STARD13: variants seen among roughly 807,000 people sequenced by gnomAD.
STARD13 encodes stAR-related lipid transfer protein 13.
STARD13 carries 62 observed loss-of-function variants against 106.4 expected under a neutral mutation model. The observed-to-expected ratio is 0.58, with a 90% CI of 0.48 to 0.72. The LOEUF is 0.72. Among genes scored for constraint, STARD13 ranks in the 30% least tolerant of loss-of-function variants. STARD13 has a pLI of 0.00. For synonymous variants in STARD13, 565 were observed against 553.0 expected, an observed-to-expected ratio of 1.02 and a Z score of -0.31; for missense variants, 1,387 against 1,424.0, an observed-to-expected ratio of 0.97 and a Z score of 0.42.
chr13:33,449,442 A>G, the STARD13 span, among the ~76,000 whole-genome samples: 1 of 152,048 alleles, frequency 6.6e-6, no homozygotes, highest in Non-Finnish European at 1.5e-5. Flanking sequence ...TGGATTTTTG[A>G]TTCTGTTCCA....
the STARD13 span, among the ~76,000 whole-genome samples, chr13:33,481,811 C>T: frequency 6.6e-6 from 1 of 151,478 alleles, no homozygotes; most frequent in African/African-American, 2.4e-5. Flanking sequence ...AACCCTGTCT[C>T]TACTAAAAAT....
intron 7 of STARD13, among the ~76,000 whole-genome samples, chr13:33,125,655 G>GA (rs11390553): frequency 0.75 from 113,839 of 150,804 alleles, 43,139 homozygotes; most frequent in East Asian, 0.8. Flanking sequence ...TGCTTCAAAG[G>GA]AAAAAAAAAG....
chr13:33,112,829 T>C lies in STARD13; in HGVS notation c.2384A>G (p.Asp795Gly), dbSNP rs1874812240. ...VLQTLLCFLN[D>G]VVNLVEENQM... is the part of the protein sequence containing the mutation. ...ATTCTCTTCCACCAAGTTGACGACGTCGTTCAGGAAACACAAGAGCGTCTG... is the reference window on the plus strand; with the variant it reads ...ATTCTCTTCCACCAAGTTGACGACGCCGTTCAGGAAACACAAGAGCGTCTG... Residue 795 changes from aspartate (D) to glycine (G), a missense_variant, in exon 9 of 14, where the codon GAC becomes GGC. Coordinates refer to ENST00000336934, the MANE Select transcript of STARD13 (RefSeq NM_178006.4). 1.9e-6 allele frequency: 3 copies of C among 1,614,040 alleles called. No homozygotes were observed. The East Asian group carries it at 6.7e-5, about 36-fold the overall frequency.
intron 1 of STARD13, among the ~76,000 whole-genome samples, chr13:33,223,646 C>A (rs892258428): frequency 2.9e-4 from 44 of 149,798 alleles, no homozygotes; most frequent in African/African-American, 9.8e-4. Flanking sequence ...GCAACAAGAG[C>A]AAAACTCCAT....
intron 6 of STARD13, among the ~76,000 whole-genome samples, chr13:33,126,516 T>C (rs946367449): frequency 6.6e-6 from 1 of 152,204 alleles, no homozygotes; most frequent in African/African-American, 2.4e-5. Flanking sequence ...CCAATTTAAC[T>C]GTGATAGACT....
At chr13:33,243,626 A>G (rs1470261225) in intron 1 of STARD13, among the ~76,000 whole-genome samples, 1 of 152,164 alleles carries the variant, frequency 6.6e-6, no homozygotes, top group African/African-American at 2.4e-5. Flanking sequence ...TGGCTGAGAC[A>G]CTTGTGACAG....
the STARD13 span, among the ~76,000 whole-genome samples, chr13:33,644,034 A>G: frequency 6.6e-6 from 1 of 152,212 alleles, no homozygotes; most frequent in African/African-American, 2.4e-5. Flanking sequence ...ATTTAACTAA[A>G]ATTATGAAAC....
At chr13:33,268,512 C>T (rs1891012361) in intron 1 of STARD13, among the ~76,000 whole-genome samples, 1 of 152,194 alleles carries the variant, frequency 6.6e-6, no homozygotes, top group Non-Finnish European at 1.5e-5. Flanking sequence ...GAGAACACTT[C>T]ATTCTTAAAA....
intron 12 of STARD13, among the ~76,000 whole-genome samples, chr13:33,108,750 G>A (rs904217465): frequency 1.3e-5 from 2 of 152,222 alleles, no homozygotes; most frequent in African/African-American, 4.8e-5. Flanking sequence ...TCTGGAGGGA[G>A]GGAGGAGGCA....
chr13:33,311,854 C>T (rs1893148487), intron 1 of STARD13, among the ~76,000 whole-genome samples: 2 of 152,148 alleles, frequency 1.3e-5, no homozygotes, highest in Admixed American at 6.5e-5. Context: ...TGGGAAGCAC[C>T]TTGGTAGGCA....
rs142111688 is a variant in STARD13 at position 33,228,440 on chromosome 13, GT to G, written c.169+57029del. On this transcript the variant is annotated intron_variant, in intron 1 of 13. Transcript: ENST00000336934. The stretch of plus-strand genomic sequence containing the variant: ...ATTAAGAGTACAGTTCATTTACAGT[GT>G]TTTTTTTTTGGAAGTTAAAATTGAG... Among the ~76,000 whole-genome samples, 127 of 148,348 alleles carry G rather than the reference GT, an allele frequency of 8.6e-4. 1 individual carries two copies. In the East Asian group the frequency reaches 0.022, roughly 25 times the overall value.
the STARD13 span, among the ~76,000 whole-genome samples, chr13:33,585,270 C>T: frequency 1.3e-5 from 2 of 152,254 alleles, no homozygotes; most frequent in East Asian, 1.9e-4. Flanking sequence ...AGCAATTCCA[C>T]TTCAGGGCAT....
chr13:33,141,083 AT>A (rs34040581), intron 4 of STARD13, among the ~76,000 whole-genome samples: 54,164 of 151,948 alleles, frequency 0.36, 10,165 homozygotes, highest in Non-Finnish European at 0.43. Context: ...TGATTCAAAG[AT>A]TTTTTTCTCT....
At chr13:33,398,785 T>C in the STARD13 span, among the ~76,000 whole-genome samples, 1 of 152,236 alleles carries the variant, frequency 6.6e-6, no homozygotes, top group Non-Finnish European at 1.5e-5. Context: ...GTACCACAAC[T>C]GGAACCCTCA....
the STARD13 span, among the ~76,000 whole-genome samples, chr13:33,609,663 T>C: frequency 6.6e-6 from 1 of 151,372 alleles, no homozygotes; most frequent in Non-Finnish European, 1.5e-5. Flanking sequence ...ACCTCCCGGG[T>C]TCACGTCATT....
intron 4 of STARD13, among the ~76,000 whole-genome samples, chr13:33,132,589 G>A (rs1337400225): frequency 1.3e-5 from 2 of 152,150 alleles, no homozygotes; most frequent in African/African-American, 4.8e-5. Context: ...AGTGGCTCAC[G>A]CCTGTAATCT....
chr13:33,300,909 C>T (rs924070244), intron 1 of STARD13, among the ~76,000 whole-genome samples: 17 of 152,232 alleles, frequency 1.1e-4, no homozygotes, highest in African/African-American at 2.6e-4. Flanking sequence ...TTTGAACATG[C>T]GCTTCCCTCG....
chr13:33,612,308 G>A, the STARD13 span, among the ~76,000 whole-genome samples: 1 of 152,152 alleles, frequency 6.6e-6, no homozygotes, highest in East Asian at 1.9e-4. Flanking sequence ...GCCTTGGTAA[G>A]AATTAGGCGA....
the STARD13 span, among the ~76,000 whole-genome samples, chr13:33,383,836 G>A: frequency 6.7e-6 from 1 of 149,332 alleles, no homozygotes; most frequent in Non-Finnish European, 1.5e-5. Context: ...CATGTCTCAT[G>A]CACCTGGTAC....
Sources: allele counts gnomAD v4.1 joint callset (sites outside exome capture counted in the v4.1 genomes callset), GRCh38; gene constraint gnomAD v4.1.1; transcripts MANE v1.5; gene names NCBI Gene and HGNC (gene_info 2026-07-23, HGNC 2026-07-21).